The following SPATA1 variants were observed in gnomAD, a reference collection of about 807,000 sequenced individuals.
SPATA1 encodes spermatogenesis associated 1.
A neutral mutation model predicts 59.6 loss-of-function variants in SPATA1; 57 were observed. That is an observed-to-expected ratio of 0.96 (90% CI 0.77 to 1.19). The LOEUF (loss-of-function observed/expected upper bound fraction) is 1.19, where lower values mean the gene tolerates loss of function less well. Among genes scored for constraint, SPATA1 ranks in the 50% most tolerant of loss-of-function variants. SPATA1 has a pLI of 0.00. For synonymous variants in SPATA1, 147 were observed against 163.9 expected, an observed-to-expected ratio of 0.90 and a Z score of 0.79; for missense variants, 448 against 480.7, an observed-to-expected ratio of 0.93 and a Z score of 0.64.
intron 12 of SPATA1, chr1:84,551,386 A>T: frequency 5.8e-6 from 4 of 689,200 alleles, no homozygotes; most frequent in Non-Finnish European, 7.1e-6. Flanking sequence ...AATAAAATTT[A>T]AAAATAAAAA....
rs1683638611 is a variant in SPATA1 at position 84,535,427 on chromosome 1, G to T, written c.717+1661G>T. 2.0e-5 allele frequency among the ~76,000 whole-genome samples: 3 copies of T among 152,044 alleles called. 1 individual carries two copies. In the South Asian group the frequency reaches 6.2e-4, roughly 32 times the overall value. On this transcript the variant is annotated intron_variant, in intron 8 of 12. Coordinates refer to ENST00000490879, the Ensembl canonical transcript of SPATA1. ...ACCGTGAATCTGTCAATCAATTTGG[G>T]AGGAAAACTTATATCCTAACTATAC...
intron 8 of SPATA1, among the ~76,000 whole-genome samples, chr1:84,538,808 G>GTTTTGC (rs1176346754): frequency 2.6e-5 from 4 of 152,074 alleles, no homozygotes; most frequent in Non-Finnish European, 2.9e-5. Context: ...TTTGGTTTTG[G>GTTTTGC]TTTTGCTTTG....
chr1:84,509,148 G>A (rs968309266), intron 1 of SPATA1, among the ~76,000 whole-genome samples: 6 of 150,990 alleles, frequency 4.0e-5, no homozygotes, highest in Non-Finnish European at 8.8e-5. Context: ...GAGGAATCAT[G>A]TTACCTGACC....
chr1:84,520,802 C>G (rs572389945), intron 3 of SPATA1, 111 bp downstream of exon 3: 2 of 710,324 alleles, frequency 2.8e-6, no homozygotes, highest in East Asian at 5.7e-5. Context: ...ATTTTGTCCA[C>G]GTGATAGATC....
At chr1:84,560,449 G>A (rs1020252003) in intron 4 of SPATA1, among the ~76,000 whole-genome samples, 4 of 152,168 alleles carry the variant, frequency 2.6e-5, no homozygotes, top group Admixed American at 6.5e-5. Context: ...GTTCTACATA[G>A]CTGTCCATAC....
chr1:84,558,414 C>T (rs553396759), downstream of SPATA1, among the ~76,000 whole-genome samples: 1 of 150,288 alleles, frequency 6.7e-6, no homozygotes. Flanking sequence ...CTCAGCCTCC[C>T]AAGTAGCTGG....
chr1:84,507,974 G>C (rs538025930), intron 1 of SPATA1, among the ~76,000 whole-genome samples: 2 of 152,118 alleles, frequency 1.3e-5, no homozygotes, highest in South Asian at 4.2e-4. Context: ...TTCTATTTAG[G>C]ATACAAAAGA....
intron 4 of SPATA1, among the ~76,000 whole-genome samples, chr1:84,525,307 C>T (rs771978918): frequency 1.1e-4 from 16 of 152,182 alleles, no homozygotes; most frequent in Non-Finnish European, 2.4e-4. Flanking sequence ...AACAAATGAA[C>T]TCTATGGGTT....
chr1:84,544,175 C>T, intron 8 of SPATA1, 27 bp from the exon 9 acceptor site: 1 of 1,411,152 alleles, frequency 7.1e-7, no homozygotes, highest in Non-Finnish European at 9.9e-7. Context: ...TGTAGCCGAT[C>T]TTACTCATTT....
chr1:84,536,645 C>T (rs113515338), intron 8 of SPATA1, among the ~76,000 whole-genome samples: 7,551 of 151,968 alleles, frequency 0.05, 252 homozygotes, highest in Admixed American at 0.09. Flanking sequence ...GGTGTTTCAC[C>T]GTGTTAGCCA....
At chr1:84,534,488 G>T (rs2101976141) in intron 8 of SPATA1, among the ~76,000 whole-genome samples, 1 of 152,134 alleles carries the variant, frequency 6.6e-6, no homozygotes, top group Non-Finnish European at 1.5e-5. Context: ...GGAAACTGAG[G>T]CACAGAGAGG....
At chr1:84,511,546 TGTCAACACTAGGAC>T (rs1395667361) in intron 1 of SPATA1, among the ~76,000 whole-genome samples, 1 of 151,718 alleles carries the variant, frequency 6.6e-6, no homozygotes. Context: ...AGTGCCCTCT[TGTCAACACTAGGAC>T]GTGTCTAGAA....
At chr1:84,516,563 C>T (rs561856964) in intron 2 of SPATA1, among the ~76,000 whole-genome samples, 168 bp downstream of exon 2, 59 of 152,304 alleles carry the variant, frequency 3.9e-4, no homozygotes, top group South Asian at 3.5e-3. Context: ...GTGTCTCTAG[C>T]TCACTTCCTC....
At position 84,561,372 on chromosome 1, in the gene SPATA1, A is replaced by C. The variant is rs1002254094; in HGVS notation, n.443-4489A>C. Among the ~76,000 whole-genome samples, 3 of 152,238 alleles carry C rather than the reference A, an allele frequency of 2.0e-5. No homozygotes were observed. The South Asian group carries it at 6.2e-4, about 31-fold the overall frequency. Reference sequence around the variant, plus strand: ...TCAATTGCTACAATCTCGTGATAAAATTTGAATAGATGAGGAGCTACTTCT... The same window carrying C: ...TCAATTGCTACAATCTCGTGATAAACTTTGAATAGATGAGGAGCTACTTCT... On this transcript the variant is annotated intron_variant and non_coding_transcript_variant, in intron 4 of 4. Transcript: ENST00000460286.
chr1:84,564,728 CA>C (rs1322317933), intron 4 of SPATA1, among the ~76,000 whole-genome samples: 1 of 152,062 alleles, frequency 6.6e-6, no homozygotes, highest in African/African-American at 2.4e-5. Context: ...GTAATTTTAA[CA>C]GAATAAGTTA....
exon 6 of SPATA1, chr1:84,525,863 T>C: frequency 6.2e-7 from 1 of 1,611,990 alleles, no homozygotes; most frequent in Non-Finnish European, 8.5e-7. Context: ...ACCAGAATTA[T>C]ATTTGCTTCC....
At chr1:84,514,197 C>A (rs1306836835) in intron 1 of SPATA1, among the ~76,000 whole-genome samples, 3 of 152,086 alleles carry the variant, frequency 2.0e-5, no homozygotes, top group Admixed American at 6.5e-5. Context: ...ATCTTGAGCT[C>A]TTTTCCCAGG....
At chr1:84,563,700 A>T in intron 4 of SPATA1, 1 of 1,265,080 alleles carries the variant, frequency 7.9e-7, no homozygotes, top group Non-Finnish European at 1.1e-6. Context: ...AATATAATAG[A>T]TAATAAAAAT....
At position 84,560,083 on chromosome 1, in the gene SPATA1, CAAAA is replaced by C. The variant is rs751117358; in HGVS notation, n.442+4118_442+4121del. ...TGGGCGACAGAGCAAGACTCTGTCT[CAAAA>C]AAAAAAAAAAAAAGAAAGAAAGAAA... On this transcript the variant is annotated intron_variant and non_coding_transcript_variant, in intron 4 of 4. Coordinates refer to the SPATA1 transcript ENST00000460286. Among the ~76,000 whole-genome samples, 16 of 61,342 alleles carry C rather than the reference CAAAA, an allele frequency of 2.6e-4. No homozygotes were observed. In the East Asian group the frequency reaches 2.7e-3, roughly 10 times the overall value. 40.2% of individuals were successfully genotyped at this position (61,342 alleles called of 152,430 possible). A position where few individuals can be genotyped will look rare whatever the true frequency, so the allele number is the denominator to read the frequency against.
Sources: allele counts gnomAD v4.1 joint callset (sites outside exome capture counted in the v4.1 genomes callset), GRCh38; gene constraint gnomAD v4.1.1; transcripts MANE v1.5; gene names NCBI Gene and HGNC (gene_info 2026-07-23, HGNC 2026-07-21).